The following COL22A1 variants were observed in gnomAD, a reference collection of about 807,000 sequenced individuals.
The protein encoded by COL22A1 is collagen type XXII alpha 1 chain.
COL22A1 carries 221 observed loss-of-function variants against 248.9 expected under a neutral mutation model. The ratio of observed to expected loss-of-function variants is 0.89; its 90% CI spans 0.80 to 0.99. The LOEUF (loss-of-function observed/expected upper bound fraction) is 0.99. Ranked by LOEUF, COL22A1 falls within the 50% of genes least tolerant of loss-of-function variation. The pLI is 0.00. For missense variants in COL22A1, 2,240 were observed against 2,179.0 expected (o/e 1.03, Z -0.56); for synonymous variants, 891 against 793.4 (o/e 1.12, Z -2.07).
intron 19 of COL22A1, 118 bp downstream of exon 19, chr8:138,755,667 C>A: frequency 7.3e-7 from 1 of 1,364,786 alleles, no homozygotes; most frequent in Non-Finnish European, 1.0e-6. Flanking sequence ...GTGTTGAAAG[C>A]CTTCTATCCA....
At chr8:138,762,515 C>A (rs1833569871) in intron 16 of COL22A1, 49 bp from the exon 17 acceptor site, 2 of 1,571,940 alleles carry the variant, frequency 1.3e-6, no homozygotes, top group African/African-American at 1.3e-5. Flanking sequence ...TGACCACAGG[C>A]AGCAGCCCAG....
intron 18 of COL22A1, among the ~76,000 whole-genome samples, chr8:138,756,106 T>C (rs1002300787): frequency 6.6e-6 from 1 of 152,192 alleles, no homozygotes; most frequent in Non-Finnish European, 1.5e-5. Flanking sequence ...TTGGGTCATG[T>C]TCCATGAACA....
At chr8:138,650,147 G>C in intron 45 of COL22A1, among the ~76,000 whole-genome samples, 1 of 152,144 alleles carries the variant, frequency 6.6e-6, no homozygotes, top group East Asian at 1.9e-4. Context: ...CAAACATTTA[G>C]TATTACTAAA....
chr8:138,609,140 C>T (rs1050813252), intron 56 of COL22A1, among the ~76,000 whole-genome samples: 3 of 152,246 alleles, frequency 2.0e-5, no homozygotes, highest in Non-Finnish European at 2.9e-5. Context: ...TGCCAGACTT[C>T]TTCTAAGAGC....
chr8:138,616,884 G>A, intron 54 of COL22A1, 30 bp downstream of exon 54: 1 of 1,613,780 alleles, frequency 6.2e-7, no homozygotes, highest in African/African-American at 1.3e-5. Flanking sequence ...GCCCACCTGG[G>A]GGGACCTCCA....
At chr8:138,632,160 G>A (rs544260655) in intron 49 of COL22A1, among the ~76,000 whole-genome samples, 7 of 152,232 alleles carry the variant, frequency 4.6e-5, no homozygotes, top group Admixed American at 3.9e-4. Context: ...GAGCAATGCG[G>A]CAATGCTTAC....
chr8:138,694,516 C>A lies in COL22A1; in HGVS notation c.2692G>T (p.Gly898Ter). 1 of 1,613,968 alleles carries A rather than the reference C, an allele frequency of 6.2e-7. No homozygotes were observed. The highest frequency in any genetic ancestry group is 8.5e-7 in the Non-Finnish European group (1 of 1,179,944). The change falls in exon 34 of 65, where the codon GGA becomes TGA. Residue 898 changes from glycine to a stop codon, truncating the protein, a stop_gained. Coordinates refer to ENST00000303045, the MANE Select transcript of COL22A1 (RefSeq NM_152888.3). LOFTEE classifies it high-confidence loss of function. ...AGGGATGGTTTTCTTACCGGTGGTC[C>A]AGTGGGTCCCTGAGGCCCCAATTCT... ...PGELGPQGPT[G>*]PPGAKGQEGA...
intron 23 of COL22A1, among the ~76,000 whole-genome samples, chr8:138,733,469 AT>A (rs1586600797): frequency 6.6e-6 from 1 of 152,188 alleles, no homozygotes; most frequent in African/African-American, 2.4e-5. Context: ...GTTTCTCTAG[AT>A]TTTAAATGAG....
At chr8:138,766,579 CAG>C (rs1833928279) in intron 16 of COL22A1, among the ~76,000 whole-genome samples, 1 of 151,844 alleles carries the variant, frequency 6.6e-6, no homozygotes, top group African/African-American at 2.4e-5. Flanking sequence ...AGACAGAAGA[CAG>C]ATAGACAGGA....
Position 138,811,661 on chromosome 8 carries a change from C to T in COL22A1, c.1449+138G>A, listed in dbSNP as rs1381015464. 4 of 982,466 alleles carry T rather than the reference C, an allele frequency of 4.1e-6. No homozygotes were observed. In the East Asian group the frequency reaches 9.6e-5, roughly 24 times the overall value. The allele number at this position is 982,466 out of a possible 1,614,324, so 60.9% of individuals were successfully genotyped here. A position where few individuals can be genotyped will look rare whatever the true frequency, so the allele number is the denominator to read the frequency against. On this transcript the variant is annotated intron_variant, in intron 9 of 64. Transcript: ENST00000303045. ...TGCACAAGAAGCAAGAGGTCCAAGG[C>T]ACAACACAGGGTGCTGTCAGCTGAC...
intron 35 of COL22A1, among the ~76,000 whole-genome samples, chr8:138,692,518 G>T (rs985352860): frequency 6.7e-6 from 1 of 150,092 alleles, no homozygotes; most frequent in Admixed American, 6.7e-5. Flanking sequence ...TGTTGGCTTT[G>T]ACTGGAAAAT....
At position 138,816,260 on chromosome 8, in the gene COL22A1, G is replaced by A. The variant is rs561900225; in HGVS notation, c.1246-3241C>T. On this transcript the variant is annotated intron_variant, in intron 7 of 64. Coordinates refer to ENST00000303045, the MANE Select transcript of COL22A1 (RefSeq NM_152888.3). ...TCTCAGGTGGGGTGAGAGGTCCTCT[G>A]AGCCAAGAGGGGCCCCTTTCCGATT... Among the ~76,000 whole-genome samples, 56 of 152,260 alleles carry A rather than the reference G, an allele frequency of 3.7e-4. No homozygotes were observed. The South Asian group carries it at 0.012, about 32-fold the overall frequency.
At chr8:138,781,421 C>CCA (rs1480889584) in intron 12 of COL22A1, among the ~76,000 whole-genome samples, 6 of 152,170 alleles carry the variant, frequency 3.9e-5, no homozygotes, top group African/African-American at 1.4e-4. Flanking sequence ...GTAGGATGCT[C>CCA]GGCTGCATCC....
At chr8:138,603,246 C>A (rs754137351) in intron 59 of COL22A1, among the ~76,000 whole-genome samples, 1 of 152,136 alleles carries the variant, frequency 6.6e-6, no homozygotes, top group Non-Finnish European at 1.5e-5. Flanking sequence ...CATGAGGTGG[C>A]GGTGGGCATG....
intron 32 of COL22A1, among the ~76,000 whole-genome samples, chr8:138,696,804 C>T (rs971254213): frequency 1.3e-5 from 2 of 152,204 alleles, no homozygotes; most frequent in African/African-American, 4.8e-5. Context: ...ATCTCCATTG[C>T]CATTGAGCTC....
chr8:138,831,823 G>A (rs983258715), intron 5 of COL22A1, among the ~76,000 whole-genome samples: 1 of 152,148 alleles, frequency 6.6e-6, no homozygotes, highest in African/African-American at 2.4e-5. Context: ...ATGGAAGAGA[G>A]GTCGCATAAC....
chr8:138,624,539 T>A (rs1820089198), intron 51 of COL22A1, among the ~76,000 whole-genome samples: 1 of 152,170 alleles, frequency 6.6e-6, no homozygotes, highest in African/African-American at 2.4e-5. Context: ...TAATCATATG[T>A]AAGGTTGTAT....
In COL22A1 at chr8:138,619,465, C is replaced by T. The variant is rs367926823; in HGVS notation, c.3815G>A (p.Arg1272Gln). ...ACACTACACACTTACAGGTGGGCCTCGGGCACCCTCTGGTCCTGGTAGACC... is the reference window on the plus strand; with the variant it reads ...ACACTACACACTTACAGGTGGGCCTTGGGCACCCTCTGGTCCTGGTAGACC... Reference protein sequence around the residue: ...EPGLPGPEGARGPPGFKGHTG... With the variant: ...EPGLPGPEGAQGPPGFKGHTG... Residue 1272 changes from arginine (R) to glutamine (Q), a missense_variant, in exon 53 of 65, where the codon CGA becomes CAA. Arg to Gln is a conservative substitution (Grantham distance 43). Coordinates refer to ENST00000303045, the MANE Select transcript of COL22A1 (RefSeq NM_152888.3). 59 of 1,613,978 alleles carry T rather than the reference C, an allele frequency of 3.7e-5. No individual in the cohort carries two copies. Among genetic ancestry groups the T allele is most frequent in the Middle Eastern group, 1.6e-4 (1 of 6,078 alleles).
At chr8:138,833,223 C>T in intron 4 of COL22A1, 73 bp from the exon 5 acceptor site, 10 of 1,080,942 alleles carry the variant, frequency 9.3e-6, no homozygotes, top group Non-Finnish European at 1.3e-5. Context: ...ATCACATCCG[C>T]TGTCTGCAAA....
Sources: gnomAD v4.1 joint callset for allele counts (sites outside exome capture counted in the v4.1 genomes callset) on GRCh38, gnomAD v4.1.1 for gene constraint, MANE v1.5 for transcripts, NCBI Gene and HGNC (gene_info 2026-07-23, HGNC 2026-07-21) for gene names.